Variants in BCHE observed in about 807,000 individuals in gnomAD.
BCHE encodes the protein cholinesterase.
A neutral mutation model predicts 51.3 loss-of-function variants in BCHE; 48 were observed. The ratio of observed to expected loss-of-function variants is 0.94; its 90% CI spans 0.74 to 1.19. The LOEUF (loss-of-function observed/expected upper bound fraction) is 1.19, where lower values mean the gene tolerates loss of function less well. BCHE is among the 50% of genes most tolerant of loss of function. BCHE has a pLI of 0.00. For missense variants in BCHE, 847 were observed against 708.2 expected (o/e 1.20, Z -2.23); for synonymous variants, 251 against 238.0 (o/e 1.05, Z -0.50).
Position 165,829,815 on chromosome 3 carries a change from C to T in BCHE, c.1219G>A (p.Asp407Asn). Residue 407 changes from aspartate (D) to asparagine (N), a missense_variant, in exon 2 of 4, where the codon GAT (aspartate) becomes AAT (asparagine). By Grantham distance (23) the Asp-to-Asn change is conservative. Transcript: ENST00000264381. ...TCACGGTAGTTTTCAGGTCTCTGAT[C>T]ATCTACCCAGTCTGTGTAATGAAAA... Reference protein sequence around the residue: ...ILFHYTDWVDDQRPENYREAL... With the variant: ...ILFHYTDWVDNQRPENYREAL... The T allele has an allele frequency of 6.2e-7, 1 of 1,613,906 alleles. No individual in the cohort carries two copies. Among genetic ancestry groups the T allele is most frequent in the Non-Finnish European group, 8.5e-7 (1 of 1,179,892 alleles).
rs534852770 is a variant in BCHE at position 165,807,903 on chromosome 3, A to T, written c.1518-21592T>A. On this transcript the variant is annotated intron_variant, in intron 2 of 3. Transcript: ENST00000264381. ...CAAAAATTATTTACTCATAGTGAAA[A>T]TTGTATGCTTAACATTTGTTGATTT... Among the ~76,000 whole-genome samples, 6 of 152,230 alleles carry T rather than the reference A, an allele frequency of 3.9e-5. No homozygotes were observed. In the South Asian group the frequency reaches 1.2e-3, roughly 32 times the overall value.
rs1176773753 is a variant in BCHE, at chr3:165,830,120, G to T, written c.914C>A (p.Ala305Glu). The T allele has an allele frequency of 1.9e-6, 3 of 1,613,830 alleles. No homozygotes were observed. The highest frequency in any genetic ancestry group is 2.5e-6 in the Non-Finnish European group (3 of 1,179,862). Residue 305 changes from alanine (A) to glutamate (E), a missense_variant, in exon 2 of 4, where the codon GCA (alanine) becomes GAA (glutamate). Ala to Glu is a moderately radical substitution (Grantham distance 107). Coordinates refer to ENST00000264381, the MANE Select transcript of BCHE (RefSeq NM_000055.4). ...KDPQEILLNEAFVVPYGTPLS... is the reference protein window; with the variant it reads ...KDPQEILLNEEFVVPYGTPLS... ...AGGAGTCCCATAGGGGACAACAAATGCTTCATTCAGAAGAATTTCTTGGGG... is the reference window on the plus strand; with the variant it reads ...AGGAGTCCCATAGGGGACAACAAATTCTTCATTCAGAAGAATTTCTTGGGG...
In BCHE at chr3:165,779,445, G is replaced by A. The variant is rs73026263; in HGVS notation, c.1685-5939C>T. Among the ~76,000 whole-genome samples, 347 of 151,984 alleles carry A rather than the reference G, an allele frequency of 2.3e-3. 4 individuals are homozygous for A. Among genetic ancestry groups the A allele is most frequent in the African/African-American group, 8.0e-3 (333 of 41,472 alleles). ...GGGCAATCAGACAAGAGAAAGAAAG[G>A]GTATTCAAATAAAAAGAAAGGAAGT... On this transcript the variant is annotated intron_variant, in intron 3 of 3. Transcript: ENST00000264381.
At chr3:165,777,333 C>A (rs2668212) in intron 3 of BCHE, among the ~76,000 whole-genome samples, 97,866 of 149,062 alleles carry the variant, frequency 0.66, 33,221 homozygotes, top group East Asian at 0.8. Context: ...TACTTTTTGC[C>A]AAAGAAAAAT....
At chr3:165,780,948 A>C (rs1008797749) in intron 3 of BCHE, among the ~76,000 whole-genome samples, 4 of 152,164 alleles carry the variant, frequency 2.6e-5, no homozygotes, top group African/African-American at 4.8e-5. Context: ...GCAACTATAA[A>C]AACCCATGCA....
intron 2 of BCHE, among the ~76,000 whole-genome samples, chr3:165,815,639 G>A (rs2108224984): frequency 6.6e-6 from 1 of 152,022 alleles, no homozygotes; most frequent in South Asian, 2.1e-4. Context: ...AGGCTACCTG[G>A]TCAGTACTTT....
At chr3:165,783,130 T>G (rs964756833) in intron 3 of BCHE, among the ~76,000 whole-genome samples, 18 of 152,126 alleles carry the variant, frequency 1.2e-4, no homozygotes, top group Non-Finnish European at 1.6e-4. Context: ...ACATTCTTCA[T>G]GTATTTGAGT....
At chr3:165,787,245 C>T (rs1511981) in intron 2 of BCHE, among the ~76,000 whole-genome samples, 88 of 151,772 alleles carry the variant, frequency 5.8e-4, no homozygotes, top group Middle Eastern at 6.8e-3. Context: ...TATATTAATG[C>T]CAAGGTCACA....
At chr3:165,798,206 A>G (rs1318656417) in intron 2 of BCHE, among the ~76,000 whole-genome samples, 2 of 152,218 alleles carry the variant, frequency 1.3e-5, no homozygotes, top group African/African-American at 4.8e-5. Flanking sequence ...TAAAGTGATT[A>G]GAATTATACT....
Position 165,830,473 on chromosome 3 carries a change from A to T in BCHE, c.561T>A (p.Asn187Lys), listed in dbSNP as rs151020233. Residue 187 changes from asparagine to lysine, a missense_variant, in exon 2 of 4, where the codon AAT (asparagine) becomes AAA (lysine). Asn to Lys is a moderately conservative substitution (Grantham distance 94, BLOSUM62 0). Coordinates refer to ENST00000264381, the MANE Select transcript of BCHE (RefSeq NM_000055.4). The stretch of plus-strand genomic sequence containing the variant: ...AACCCATGTTCCCTGGAGCCTCAGG[A>T]TTTCCTGGCAAAGCTAAGAATCCTA... ...GALGFLALPG[N>K]PEAPGNMGLF... 4.3e-6 allele frequency: 7 copies of T among 1,613,582 alleles called. No homozygotes were observed. Among genetic ancestry groups the T allele is most frequent in the African/African-American group, 2.7e-5 (2 of 74,862 alleles).
chr3:165,793,285 C>T (rs1713243568), intron 2 of BCHE, among the ~76,000 whole-genome samples: 3 of 152,158 alleles, frequency 2.0e-5, no homozygotes, highest in South Asian at 2.1e-4. Flanking sequence ...ATAGGATATA[C>T]AATGCCTATA....
chr3:165,810,422 T>A (rs1229288795), intron 2 of BCHE, among the ~76,000 whole-genome samples: 1 of 152,210 alleles, frequency 6.6e-6, no homozygotes, highest in Non-Finnish European at 1.5e-5. Context: ...CCTTCCTGTG[T>A]GTGCAGATAG....
intron 2 of BCHE, among the ~76,000 whole-genome samples, chr3:165,797,951 G>T (rs1279825940): frequency 1.3e-5 from 2 of 152,202 alleles, no homozygotes; most frequent in African/African-American, 2.4e-5. Flanking sequence ...TTAATGGGTA[G>T]TTTCAGCATA....
At chr3:165,795,947 G>GAGAGGAGA (rs1037215023) in intron 2 of BCHE, among the ~76,000 whole-genome samples, 1 of 152,016 alleles carries the variant, frequency 6.6e-6, no homozygotes, top group Non-Finnish European at 1.5e-5. Flanking sequence ...AAAGGGAGAG[G>GAGAGGAGA]AGAGGAGAAG....
Position 165,829,968 on chromosome 3 carries a change from C to T in BCHE, c.1066G>A (p.Ala356Thr). Residue 356 changes from alanine (A) to threonine (T), a missense_variant, in exon 2 of 4, where the codon GCT becomes ACT. Coordinates refer to ENST00000264381, the MANE Select transcript of BCHE (RefSeq NM_000055.4). Reference sequence around the variant, plus strand: ...CCAGGAGCACCATAGACTAAAAAAGCTGTCCCTTCATCTTTATTAACACCC... The same window carrying T: ...CCAGGAGCACCATAGACTAAAAAAGTTGTCCCTTCATCTTTATTAACACCC... ...LVGVNKDEGT[A>T]FLVYGAPGFS... is the part of the protein sequence containing the mutation. 5 of 1,613,754 alleles carry T rather than the reference C, an allele frequency of 3.1e-6. No homozygotes were observed. Among genetic ancestry groups the T allele is most frequent in the Non-Finnish European group, 4.2e-6 (5 of 1,179,862 alleles).
intron 2 of BCHE, among the ~76,000 whole-genome samples, chr3:165,821,710 T>C (rs1213614475): frequency 6.6e-6 from 1 of 151,898 alleles, no homozygotes; most frequent in Non-Finnish European, 1.5e-5. Flanking sequence ...TTGATTCCTT[T>C]AGGAATCTGT....
chr3:165,776,606 C>A (rs1712481108), intron 3 of BCHE, among the ~76,000 whole-genome samples: 1 of 151,650 alleles, frequency 6.6e-6, no homozygotes, highest in African/African-American at 2.4e-5. Flanking sequence ...TTTCTTTAAA[C>A]AAGATAAAAA....
intron 1 of BCHE, among the ~76,000 whole-genome samples, chr3:165,832,808 A>G (rs779770321): frequency 9.9e-5 from 15 of 152,266 alleles, no homozygotes; most frequent in Non-Finnish European, 2.1e-4. Context: ...TATTTAATTT[A>G]GATTTTCTCA....
At position 165,794,749 on chromosome 3, in the gene BCHE, CAT is replaced by C. The variant is rs113871674; in HGVS notation, c.1518-8440_1518-8439del. Among the ~76,000 whole-genome samples, 320 of 152,188 alleles carry C rather than the reference CAT, an allele frequency of 2.1e-3. 1 individual carries two copies. Among genetic ancestry groups the C allele is most frequent in the South Asian group, 6.8e-3 (33 of 4,822 alleles). The stretch of plus-strand genomic sequence containing the variant: ...GCTTTCAGCCTATAGAGCAGACAAA[CAT>C]GTGTGTGTGCATGTGTGTGTGTGTC... On this transcript the variant is annotated intron_variant, in intron 2 of 3. Transcript: ENST00000264381.
Sources: gnomAD v4.1 joint callset for allele counts (sites outside exome capture counted in the v4.1 genomes callset) on GRCh38, gnomAD v4.1.1 for gene constraint, MANE v1.5 for transcripts, NCBI Gene and HGNC (gene_info 2026-07-23, HGNC 2026-07-21) for gene names.